Variants in PML observed in about 807,000 individuals in gnomAD.
The protein encoded by PML is protein PML.
A neutral mutation model predicts 65.2 loss-of-function variants in PML; 28 were observed. The ratio of observed to expected loss-of-function variants is 0.43; its 90% confidence interval spans 0.32 to 0.59. The LOEUF (loss-of-function observed/expected upper bound fraction) is 0.59, where lower values mean the gene tolerates loss of function less well. PML is among the 20% of genes least tolerant of loss of function. The pLI is 0.08. For synonymous variants in PML, 500 were observed against 508.8 expected, an observed-to-expected ratio of 0.98 and a Z score of 0.23; for missense variants, 1,021 against 1,203.4, an observed-to-expected ratio of 0.85 and a Z score of 2.24.
rs1018726037 is a variant in PML, at chr15:74,035,178, G to C, written c.1710+648G>C. The C allele has an allele frequency of 3.9e-6, 5 of 1,290,968 alleles. No individual in the cohort carries two copies. Among genetic ancestry groups the C allele is most frequent in the Non-Finnish European group, 5.6e-6 (5 of 886,082 alleles). 80.0% of individuals were successfully genotyped at this position (1,290,968 alleles called of 1,614,324 possible). Reference sequence around the variant, plus strand: ...GAGGTTCTGTATTGGAAAGTGCATGGAGCCCATGGAGACCGCCGAGCCACA... The same window carrying C: ...GAGGTTCTGTATTGGAAAGTGCATGCAGCCCATGGAGACCGCCGAGCCACA... On this transcript the variant is annotated intron_variant, in intron 7 of 8. Transcript: ENST00000268058. This position sits in a 1 kb window ranked among gnomAD's most constrained non-coding sequence, Gnocchi z 4.1.
Position 74,037,207 on chromosome 15 carries a change from G to T in PML, c.1710+2677G>T. On this transcript the variant is annotated intron_variant, in intron 7 of 8. Coordinates refer to ENST00000268058, the MANE Select transcript of PML (RefSeq NM_033238.3). The surrounding 1 kb of genome is among the most constrained non-coding windows in gnomAD (Gnocchi z 4.2). ...CTTTCTTCACTGGGCCCTTGTCCCA[G>T]CCTCACCCTCAGCTGATGGCGGCAC... is the stretch of plus-strand genomic sequence containing the variant. 2 of 985,386 alleles carry T rather than the reference G, an allele frequency of 2.0e-6. No individual in the cohort carries two copies. The highest frequency in any genetic ancestry group is 2.4e-6 in the Non-Finnish European group (2 of 829,918). The allele number at this position is 985,386 out of a possible 1,614,324, so 61.0% of individuals were successfully genotyped here.
Position 74,046,785 on chromosome 15 carries a change from A to T in PML, c.*1777A>T, listed in dbSNP as rs1236408212. On this transcript the variant is annotated 3_prime_UTR_variant, in exon 9 of 9. Coordinates refer to ENST00000268058, the MANE Select transcript of PML (RefSeq NM_033238.3). ...TGAATCTTGAAAGCCTGATGCTCCA[A>T]TCACAGACTCTGCTCAGCATCCCCA... 4.3e-6 allele frequency: 1 copy of T among 231,036 alleles called. No homozygotes were observed. Among genetic ancestry groups the T allele is most frequent in the Non-Finnish European group, 8.6e-6 (1 of 116,744 alleles). The allele number at this position is 231,036 out of a possible 1,614,324, so 14.3% of individuals were successfully genotyped here. A position where few individuals can be genotyped will look rare whatever the true frequency, so the allele number is the denominator to read the frequency against.
chr15:74,010,185 ATTTTTTTTTTTTT>A (rs536738558), intron 2 of PML, among the ~76,000 whole-genome samples: 4 of 77,928 alleles, frequency 5.1e-5, no homozygotes, highest in Non-Finnish European at 7.1e-5. Flanking sequence ...TGCCCAGCTA[ATTTTTTTTTTTTT>A]TTTTTTTTTT....
In PML at chr15:74,037,380, G is replaced by C. The variant is rs1363269208; in HGVS notation, c.1710+2850G>C. 1 of 985,208 alleles carries C rather than the reference G, an allele frequency of 1.0e-6. No individual in the cohort carries two copies. The highest frequency in any genetic ancestry group is 1.2e-6 in the Non-Finnish European group (1 of 829,928). 61.0% of individuals were successfully genotyped at this position (985,208 alleles called of 1,614,324 possible). On this transcript the variant is annotated intron_variant, in intron 7 of 8. Coordinates refer to ENST00000268058, the MANE Select transcript of PML (RefSeq NM_033238.3). The surrounding 1 kb of genome is among the most constrained non-coding windows in gnomAD (Gnocchi z 4.2). ...GCCTCCAGGACTCACCCTGTGTCCTGGCCCCAGCCCTTGACCCCCTGGGAG... is the reference window on the plus strand; with the variant it reads ...GCCTCCAGGACTCACCCTGTGTCCTCGCCCCAGCCCTTGACCCCCTGGGAG...
intron 6 of PML, chr15:74,034,162 G>A (rs1286398263): frequency 4.4e-6 from 2 of 457,878 alleles, no homozygotes; most frequent in Non-Finnish European, 8.1e-6. Context: ...CTTTAGGATT[G>A]CAGAAGGTTC....
chr15:74,037,030 C>G lies in PML; in HGVS notation c.1710+2500C>G, dbSNP rs1159458544. The G allele has an allele frequency of 4.1e-6, 4 of 985,466 alleles. No individual in the cohort carries two copies. In the South Asian group the frequency reaches 1.4e-4, roughly 35 times the overall value. 61.0% of individuals were successfully genotyped at this position (985,466 alleles called of 1,614,324 possible). Reference sequence around the variant, plus strand: ...CCCAGCAGAAAATCCTGGAAGGACTCAGGAGCTTGTCGCCTCTGTGCTGCC... The same window carrying G: ...CCCAGCAGAAAATCCTGGAAGGACTGAGGAGCTTGTCGCCTCTGTGCTGCC... On this transcript the variant is annotated intron_variant, in intron 7 of 8. Coordinates refer to ENST00000268058, the MANE Select transcript of PML (RefSeq NM_033238.3). The surrounding 1 kb of genome is among the most constrained non-coding windows in gnomAD (Gnocchi z 4.2).
intron 6 of PML, chr15:74,034,195 G>A (rs1231063575): frequency 3.2e-5 from 16 of 505,404 alleles, no homozygotes; most frequent in Non-Finnish European, 5.8e-5. Context: ...CAGTTGTCAG[G>A]CCTCCTGTAC....
At chr15:74,036,513 C>T (rs1239424259) in intron 7 of PML, 46 of 1,091,226 alleles carry the variant, frequency 4.2e-5, no homozygotes, top group Non-Finnish European at 5.2e-5. Context: ...ACCATGTCCC[C>T]TCTTCCTCCC....
At chr15:74,033,926 C>G (rs1273957317) in intron 6 of PML, 2 of 371,214 alleles carry the variant, frequency 5.4e-6, no homozygotes, top group Non-Finnish European at 9.8e-6. Context: ...TTGAGGTCAA[C>G]CCAGAGGAAT....
Position 74,037,184 on chromosome 15 carries a change from T to C in PML, c.1710+2654T>C, listed in dbSNP as rs1472142823. On this transcript the variant is annotated intron_variant, in intron 7 of 8. Transcript: ENST00000268058. This position sits in a 1 kb window ranked among gnomAD's most constrained non-coding sequence, Gnocchi z 4.2. Reference sequence around the variant, plus strand: ...TCTGCAGGGCAGCCCCCGCCTGCCTTTCTTCACTGGGCCCTTGTCCCAGCC... The same window carrying C: ...TCTGCAGGGCAGCCCCCGCCTGCCTCTCTTCACTGGGCCCTTGTCCCAGCC... 1.0e-6 allele frequency: 1 copy of C among 985,292 alleles called. No individual in the cohort carries two copies. The highest frequency in any genetic ancestry group is 1.7e-5 in the African/African-American group (1 of 57,230). 61.0% of individuals were successfully genotyped at this position (985,292 alleles called of 1,614,324 possible). A position where few individuals can be genotyped will look rare whatever the true frequency, so the allele number is the denominator to read the frequency against.
intron 2 of PML, among the ~76,000 whole-genome samples, chr15:74,019,816 T>A (rs2070755185): frequency 6.6e-6 from 1 of 152,248 alleles, no homozygotes; most frequent in Admixed American, 6.5e-5. Flanking sequence ...ATTAACCTCA[T>A]TTCTCCATGG....
intron 2 of PML, among the ~76,000 whole-genome samples, chr15:74,002,389 TTG>T (rs34664992): frequency 1.4e-4 from 20 of 146,074 alleles, no homozygotes; most frequent in East Asian, 2.0e-4. Flanking sequence ...GTTCTAGTGC[TTG>T]TGTGTGTGTG....
Position 73,994,831 on chromosome 15 carries a change from C to A in PML, c.19C>A (p.Arg7=), listed in dbSNP as rs574579963. The change falls in exon 1 of 9, where the codon CGA becomes AGA. Residue 7 remains arginine (R), a synonymous_variant. Coordinates refer to ENST00000268058, the MANE Select transcript of PML (RefSeq NM_033238.3). ...GGGGTCCATGGAGCCTGCACCCGCCCGATCTCCGAGGCCCCAGCAGGACCC... is the reference window on the plus strand; with the variant it reads ...GGGGTCCATGGAGCCTGCACCCGCCAGATCTCCGAGGCCCCAGCAGGACCC... MEPAPA[R]SPRPQQDPAR... 6.7e-5 allele frequency: 104 copies of A among 1,557,714 alleles called. No homozygotes were observed. In the South Asian group the frequency reaches 1.1e-3, roughly 17 times the overall value.
chr15:74,016,798 T>TTTTTTTTTTTTTTC (rs2070605406), intron 2 of PML, among the ~76,000 whole-genome samples: 1 of 122,164 alleles, frequency 8.2e-6, no homozygotes, highest in Non-Finnish European at 1.7e-5. Flanking sequence ...GCATCTTTTT[T>TTTTTTTTTTTTTTC]TTTTTTTTTT....
chr15:74,011,153 T>C (rs78746266), intron 2 of PML, among the ~76,000 whole-genome samples: 7,592 of 152,294 alleles, frequency 0.05, 270 homozygotes, highest in East Asian at 0.19. Flanking sequence ...GGGTGCCAGA[T>C]GATTGCAACA....
At chr15:73,996,710 A>G (rs955280387) in intron 1 of PML, among the ~76,000 whole-genome samples, 2 of 152,212 alleles carry the variant, frequency 1.3e-5, no homozygotes, top group East Asian at 1.9e-4. Flanking sequence ...AAATATGCCA[A>G]AGAAGTATAT....
At chr15:74,038,590 G>C (rs571478596) in intron 7 of PML, among the ~76,000 whole-genome samples, 2 of 152,050 alleles carry the variant, frequency 1.3e-5, no homozygotes, top group South Asian at 4.2e-4. Context: ...CAACTTCTGG[G>C]CCCTTTCCAG....
chr15:74,034,843 G>A (rs1400432641), intron 7 of PML: 7 of 1,437,804 alleles, frequency 4.9e-6, no homozygotes, highest in Admixed American at 2.8e-5. Flanking sequence ...TGTCCTCTAA[G>A]TCCTCAGTGA....
At position 74,045,126 on chromosome 15, in the gene PML, G is replaced by A. The variant is rs1387018665; in HGVS notation, c.*118G>A. On this transcript the variant is annotated 3_prime_UTR_variant, in exon 9 of 9. Coordinates refer to ENST00000268058, the MANE Select transcript of PML (RefSeq NM_033238.3). ...GGTACCCAGCCCTCAGTTGTCATTT[G>A]GTTCAGAATCAGTTCCCTTTCTCTG... The A allele has an allele frequency of 1.1e-5, 10 of 942,124 alleles. No individual in the cohort carries two copies. The highest frequency in any genetic ancestry group is 6.7e-5 in the South Asian group (4 of 59,424). The allele number at this position is 942,124 out of a possible 1,614,324, so 58.4% of individuals were successfully genotyped here. A position where few individuals can be genotyped will look rare whatever the true frequency, so the allele number is the denominator to read the frequency against.
Sources: allele counts gnomAD v4.1 joint callset (sites outside exome capture counted in the v4.1 genomes callset), GRCh38; gene constraint gnomAD v4.1.1; non-coding constraint Gnocchi (gnomAD v3.1); transcripts MANE v1.5; gene names NCBI Gene and HGNC (gene_info 2026-07-23, HGNC 2026-07-21).